The following GPATCH11 variants were observed in gnomAD, a reference collection of about 807,000 sequenced individuals.
GPATCH11 encodes G-patch domain containing 11.
Under a neutral mutation model 44.8 loss-of-function variants are expected in GPATCH11, and 32 were observed. The ratio of observed to expected loss-of-function variants is 0.71; its 90% confidence interval spans 0.54 to 0.96. GPATCH11 has a LOEUF of 0.96. GPATCH11 is among the 40% of genes least tolerant of loss of function. GPATCH11 has a pLI of 0.00. For synonymous variants in GPATCH11, 84 were observed against 94.4 expected (o/e 0.89, Z 0.64); for missense variants, 324 against 303.1 (o/e 1.07, Z -0.51).
chr2:37,097,219 G>C lies in GPATCH11; in HGVS notation c.*956G>C, dbSNP rs1318752628. On this transcript the variant is annotated 3_prime_UTR_variant, in exon 9 of 9. Transcript: ENST00000674370. Reference sequence around the variant, plus strand: ...TTCAACCTTTGCTTTTATTCTTCCAGCCACAGAGAACTCACTGCTTTAAAA... The same window carrying C: ...TTCAACCTTTGCTTTTATTCTTCCACCCACAGAGAACTCACTGCTTTAAAA... 1.3e-5 allele frequency: 2 copies of C among 152,082 alleles called. No homozygotes were observed. Among genetic ancestry groups the C allele is most frequent in the African/African-American group, 4.8e-5 (2 of 41,400 alleles). 9.4% of individuals were successfully genotyped at this position (152,082 alleles called of 1,614,324 possible). A position where few individuals can be genotyped will look rare whatever the true frequency, so the allele number is the denominator to read the frequency against.
At chr2:37,094,005 A>C in intron 6 of GPATCH11, 77 bp from the exon 7 acceptor site, 1 of 913,970 alleles carries the variant, frequency 1.1e-6, no homozygotes, top group East Asian at 2.6e-5. Context: ...TGAAAGAATG[A>C]ATTCATGTTG....
chr2:37,089,732 G>C lies in GPATCH11; in HGVS notation c.152G>C (p.Arg51Thr), dbSNP rs1277496485. 27 of 1,551,884 alleles carry C rather than the reference G, an allele frequency of 1.7e-5. No homozygotes were observed. Among genetic ancestry groups the C allele is most frequent in the Non-Finnish European group, 2.2e-5 (25 of 1,147,050 alleles). The part of the protein sequence containing the change: ...EKQQEANLKN[R>T]QKSLKEEEQE... ...CAACAGGAAGCCAATTTGAAAAACAGGCAGAAGAGTTTAAAAGAAGAAGAA... is the reference window on the plus strand; with the variant it reads ...CAACAGGAAGCCAATTTGAAAAACACGCAGAAGAGTTTAAAAGAAGAAGAA... Residue 51 changes from arginine (R) to threonine (T), a missense_variant, in exon 3 of 9, where the codon AGG becomes ACG. By Grantham distance (71) the Arg-to-Thr change is moderately conservative. Transcript: ENST00000674370.
intron 6 of GPATCH11, among the ~76,000 whole-genome samples, chr2:37,092,843 C>G (rs956271795): frequency 1.3e-5 from 2 of 152,038 alleles, no homozygotes; most frequent in African/African-American, 4.8e-5. Flanking sequence ...TAATATATGT[C>G]TAACTATTAA....
intron 1 of GPATCH11, among the ~76,000 whole-genome samples, chr2:37,087,093 A>T (rs1558395695): frequency 6.6e-6 from 1 of 152,302 alleles, no homozygotes; most frequent in Middle Eastern, 3.4e-3. Flanking sequence ...CCCAGTTCAG[A>T]AACACCCATA....
rs1012399059 is a variant in GPATCH11 at position 37,097,151 on chromosome 2, C to G, written c.*888C>G. Reference sequence around the variant, plus strand: ...AAATATTGTGTGATGCAAGTACTTACTGAATTTGGAAACCCCTTGATAGCA... The same window carrying G: ...AAATATTGTGTGATGCAAGTACTTAGTGAATTTGGAAACCCCTTGATAGCA... On this transcript the variant is annotated 3_prime_UTR_variant, in exon 9 of 9. Coordinates refer to ENST00000674370, the MANE Select transcript of GPATCH11 (RefSeq NM_174931.4). 7.9e-5 allele frequency: 12 copies of G among 152,116 alleles called. No homozygotes were observed. Among genetic ancestry groups the G allele is most frequent in the African/African-American group, 2.9e-4 (12 of 41,418 alleles). 9.4% of individuals were successfully genotyped at this position (152,116 alleles called of 1,614,324 possible). A position where few individuals can be genotyped will look rare whatever the true frequency, so the allele number is the denominator to read the frequency against.
chr2:37,089,554 C>G (rs986461255), intron 2 of GPATCH11, 86 bp from the exon 3 acceptor site: 3 of 1,034,924 alleles, frequency 2.9e-6, no homozygotes, highest in Non-Finnish European at 4.2e-6. Flanking sequence ...GCAACAAGAG[C>G]GAAACTCCGT....
Position 37,091,936 on chromosome 2 carries a change from G to A in GPATCH11, c.349G>A (p.Glu117Lys), listed in dbSNP as rs1239674887. The change falls in exon 5 of 9, where the codon GAG (glutamate) becomes AAG (lysine). Residue 117 changes from glutamate (E) to lysine (K), a missense_variant. Glu to Lys is a moderately conservative substitution (Grantham distance 56, BLOSUM62 1). Coordinates refer to ENST00000674370, the MANE Select transcript of GPATCH11 (RefSeq NM_174931.4). The stretch of plus-strand genomic sequence containing the variant: ...AATAGGGAAAAGTGGCATTGGTCAT[G>A]AGGCATCATTAAAACGGAAAGCAGA... Reference protein sequence around the residue: ...IKTGKSGIGHEASLKRKAEEK... With the variant: ...IKTGKSGIGHKASLKRKAEEK... 2 of 1,612,296 alleles carry A rather than the reference G, an allele frequency of 1.2e-6. No homozygotes were observed. Among genetic ancestry groups the A allele is most frequent in the African/African-American group, 2.7e-5 (2 of 74,852 alleles).
chr2:37,092,339 TTTTATATATGTATTATATATA>T (rs1673371417), intron 6 of GPATCH11, 84 bp downstream of exon 6: 2 of 222,428 alleles, frequency 9.0e-6, no homozygotes, highest in Admixed American at 6.1e-5. Flanking sequence ...TATATATATA[TTTTATATATGTATTATATATA>T]TTTATATATG....
At position 37,089,681 on chromosome 2, in the gene GPATCH11, G is replaced by A. The variant is rs375871371; in HGVS notation, c.101G>A (p.Arg34Gln). The A allele has an allele frequency of 2.7e-5, 42 of 1,551,328 alleles. No individual in the cohort carries two copies. Among genetic ancestry groups the A allele is most frequent in the Middle Eastern group, 1.7e-4 (1 of 6,010 alleles). ...RPGLPMLRQI[R>Q]EARRKEEKQQ... ...GGATTGCCAATGCTAAGGCAAATCC[G>A]AGAAGCCCGTCGAAAAGAAGAAAAG... Residue 34 changes from arginine (R) to glutamine (Q), a missense_variant, in exon 3 of 9, where the codon CGA becomes CAA. Coordinates refer to ENST00000674370, the MANE Select transcript of GPATCH11 (RefSeq NM_174931.4).
chr2:37,096,455 C>T lies in GPATCH11; in HGVS notation c.*192C>T. On this transcript the variant is annotated 3_prime_UTR_variant, in exon 9 of 9. Coordinates refer to ENST00000674370, the MANE Select transcript of GPATCH11 (RefSeq NM_174931.4). The stretch of plus-strand genomic sequence containing the variant: ...AAAATAATGCAATGGCATTTCAGAA[C>T]ACAAGTATCACAGAGATGGACAGTT... 3 of 552,470 alleles carry T rather than the reference C, an allele frequency of 5.4e-6. No individual in the cohort carries two copies. The highest frequency in any genetic ancestry group is 3.2e-6 in the Non-Finnish European group (1 of 311,386). The allele number at this position is 552,470 out of a possible 1,614,324, so 34.2% of individuals were successfully genotyped here.
In GPATCH11 at chr2:37,097,749, T is replaced by G. The variant is rs187111194; in HGVS notation, c.*1486T>G. On this transcript the variant is annotated 3_prime_UTR_variant, in exon 9 of 9. Transcript: ENST00000674370. The stretch of plus-strand genomic sequence containing the variant: ...TATTAATCTCTGACCTAATATGACC[T>G]AATTCACTTTTCAAGTTTAACTTGG... The G allele has an allele frequency of 6.6e-6, 1 of 152,336 alleles. No homozygotes were observed. The highest frequency in any genetic ancestry group is 1.9e-4 in the East Asian group (1 of 5,190). The allele number at this position is 152,336 out of a possible 1,614,324, so 9.4% of individuals were successfully genotyped here.
chr2:37,086,925 GTATTAGTC>G (rs1457869944), intron 1 of GPATCH11, among the ~76,000 whole-genome samples: 1 of 152,182 alleles, frequency 6.6e-6, no homozygotes, highest in Non-Finnish European at 1.5e-5. Context: ...ATGCAGAAAT[GTATTAGTC>G]TATGTAATGG....
At chr2:37,093,279 G>C (rs1673421198) in intron 6 of GPATCH11, among the ~76,000 whole-genome samples, 1 of 152,018 alleles carries the variant, frequency 6.6e-6, no homozygotes, top group Admixed American at 6.5e-5. Context: ...AGGATTGCTT[G>C]AGTCCAGGAG....
chr2:37,086,986 G>A (rs1335408033), intron 1 of GPATCH11, among the ~76,000 whole-genome samples: 1 of 152,102 alleles, frequency 6.6e-6, no homozygotes, highest in African/African-American at 2.4e-5. Flanking sequence ...CGCAGCCTTG[G>A]AAACTAGGCT....
At chr2:37,090,427 C>T (rs751536101) in intron 3 of GPATCH11, among the ~76,000 whole-genome samples, 1 of 152,180 alleles carries the variant, frequency 6.6e-6, no homozygotes, top group Non-Finnish European at 1.5e-5. Context: ...CCAATAATAT[C>T]AGTGTTGTTC....
At chr2:37,092,447 A>G (rs1673380345) in intron 6 of GPATCH11, among the ~76,000 whole-genome samples, 192 bp downstream of exon 6, 1 of 143,824 alleles carries the variant, frequency 7.0e-6, no homozygotes, top group Admixed American at 7.2e-5. Flanking sequence ...TATGTCTTAT[A>G]TATTATATAT....
intron 1 of GPATCH11, 64 bp downstream of exon 1, chr2:37,084,634 TG>T: frequency 8.5e-7 from 1 of 1,177,060 alleles, no homozygotes; most frequent in Non-Finnish European, 1.1e-6. Flanking sequence ...CAGAGTGCGC[TG>T]GCCATGACTA....
At chr2:37,094,397 C>G (rs1244614001) in intron 7 of GPATCH11, 2 of 442,584 alleles carry the variant, frequency 4.5e-6, no homozygotes, top group African/African-American at 2.0e-5. Context: ...TAAATGTCCC[C>G]GAGGGGAAAA....
At chr2:37,084,732 G>A (rs559263737) in intron 1 of GPATCH11, among the ~76,000 whole-genome samples, 162 bp downstream of exon 1, 1 of 152,332 alleles carries the variant, frequency 6.6e-6, no homozygotes, top group South Asian at 2.1e-4. Flanking sequence ...TGAGGGAAGG[G>A]ATCAGCGGTT....
Sources: allele counts gnomAD v4.1 joint callset (sites outside exome capture counted in the v4.1 genomes callset), GRCh38; gene constraint gnomAD v4.1.1; transcripts MANE v1.5; gene names NCBI Gene and HGNC (gene_info 2026-07-23, HGNC 2026-07-21).